Variants in DGLUCY observed in about 807,000 individuals in gnomAD.
DGLUCY encodes the protein D-glutamate cyclase, mitochondrial.
Under a neutral mutation model 58.5 loss-of-function variants are expected in DGLUCY, and 58 were observed. The observed-to-expected ratio is 0.99, with a 90% confidence interval of 0.80 to 1.23. DGLUCY has a LOEUF of 1.23. Among genes scored for constraint, DGLUCY ranks in the 50% most tolerant of loss-of-function variants. The probability of loss-of-function intolerance (pLI) is 0.00; values close to 1 mark genes in which losing one functional copy is unlikely to be tolerated. For missense variants in DGLUCY, 779 were observed against 784.7 expected (o/e 0.99, Z 0.09); for synonymous variants, 325 against 314.1 (o/e 1.03, Z -0.37).
At position 91,188,909 on chromosome 14, in the gene DGLUCY, G is replaced by A. The variant is rs149133547; in HGVS notation, c.935-1G>A. 43 of 1,608,242 alleles carry A rather than the reference G, an allele frequency of 2.7e-5. No individual in the cohort carries two copies. The African/African-American group carries it at 5.5e-4, about 21-fold the overall frequency. ...TTTACATTCTATTTTTGTCATTTCA[G>A]GGAACCGGGGGATTGGGCACCTGCT... On this transcript the variant is annotated splice_acceptor_variant, in intron 8 of 13. Coordinates refer to ENST00000256324, the MANE Select transcript of DGLUCY (RefSeq NM_001102368.3). LOFTEE classifies it high-confidence loss of function.
chr14:91,092,940 C>T (rs1256853567), intron 1 of DGLUCY, among the ~76,000 whole-genome samples: 3 of 151,896 alleles, frequency 2.0e-5, no homozygotes, highest in African/African-American at 2.4e-5. Context: ...AAAAATTAGC[C>T]GAGCATGGTG....
chr14:91,165,867 C>T (rs986444322), intron 3 of DGLUCY, among the ~76,000 whole-genome samples: 1 of 152,220 alleles, frequency 6.6e-6, no homozygotes, highest in African/African-American at 2.4e-5. Flanking sequence ...CATTTATGTA[C>T]TCCAAAATGC....
chr14:91,181,077 G>A (rs2049141075), intron 7 of DGLUCY, 109 bp from the exon 8 acceptor site: 1 of 1,001,282 alleles, frequency 1.0e-6, no homozygotes, highest in Non-Finnish European at 1.5e-6. Context: ...GGAGTGCTTA[G>A]GCTGAGTTGA....
intron 1 of DGLUCY, among the ~76,000 whole-genome samples, chr14:91,083,624 G>A (rs957173156): frequency 3.9e-5 from 6 of 152,036 alleles, no homozygotes; most frequent in African/African-American, 1.4e-4. Context: ...GCAGCAGCAA[G>A]AGAATACATT....
At position 91,197,830 on chromosome 14, in the gene DGLUCY, A is replaced by T. The variant is rs148782230; in HGVS notation, c.1295+1356A>T. On this transcript the variant is annotated intron_variant, in intron 10 of 13. Coordinates refer to ENST00000256324, the MANE Select transcript of DGLUCY (RefSeq NM_001102368.3). Reference sequence around the variant, plus strand: ...CTGGGTTTGCTTCCTGCTCTTGGCTATGCTGAATACTGCTGCTATGAGCAT... The same window carrying T: ...CTGGGTTTGCTTCCTGCTCTTGGCTTTGCTGAATACTGCTGCTATGAGCAT... 2.3e-3 allele frequency among the ~76,000 whole-genome samples: 352 copies of T among 152,282 alleles called. 4 individuals carry two copies. The highest frequency in any genetic ancestry group is 8.0e-3 in the African/African-American group (332 of 41,566).
At chr14:91,062,606 TATATAA>T (rs796877483) in intron 1 of DGLUCY, among the ~76,000 whole-genome samples, 1,815 of 29,672 alleles carry the variant, frequency 0.061, 141 homozygotes, top group Non-Finnish European at 0.068. Context: ...TATATATATA[TATATAA>T]ACAATCCTTA....
At chr14:91,100,316 G>A (rs1237206463) in intron 1 of DGLUCY, among the ~76,000 whole-genome samples, 1 of 152,178 alleles carries the variant, frequency 6.6e-6, no homozygotes, top group Non-Finnish European at 1.5e-5. Context: ...GAGGAAGAGA[G>A]GGTGGAGAGA....
At chr14:91,196,813 T>C (rs1316977192) in intron 10 of DGLUCY, among the ~76,000 whole-genome samples, 4 of 148,722 alleles carry the variant, frequency 2.7e-5, no homozygotes, top group South Asian at 2.1e-4. Context: ...TAGAGAATAG[T>C]GAAATCATTT....
intron 2 of DGLUCY, among the ~76,000 whole-genome samples, chr14:91,158,510 GGTTT>G (rs1442491671): frequency 5.3e-5 from 8 of 152,066 alleles, no homozygotes; most frequent in Non-Finnish European, 1.2e-4. Flanking sequence ...ATGGCCCTGG[GGTTT>G]ACATTATTTT....
intron 8 of DGLUCY, among the ~76,000 whole-genome samples, chr14:91,184,828 T>C (rs1278185843): frequency 6.6e-6 from 1 of 152,212 alleles, no homozygotes; most frequent in Non-Finnish European, 1.5e-5. Context: ...CATTCATTAG[T>C]TCATTCTGTA....
chr14:91,176,007 A>G lies in DGLUCY; in HGVS notation c.681A>G (p.Pro227=), dbSNP rs2048832586. 6.2e-7 allele frequency: 1 copy of G among 1,614,042 alleles called. No individual in the cohort carries two copies. The highest frequency in any genetic ancestry group is 2.2e-5 in the East Asian group (1 of 44,866). Residue 227 remains proline, a synonymous_variant, in exon 7 of 14, where the codon CCA becomes CCG. Coordinates refer to ENST00000256324, the MANE Select transcript of DGLUCY (RefSeq NM_001102368.3). ...TGGTGTGTCCCCCAGGGGAGGTTCC[A>G]GTGTTCTGGCCTTCTCCGCTGACCA... ...DAMVCPPGEV[P]VFWPSPLTSL...
Position 91,150,835 on chromosome 14 carries a change from T to G in DGLUCY, c.-81-6804T>G, listed in dbSNP as rs538723846. ...TACAGTTTACCATTTTAATCATTTT[T>G]AAGTGTACAGTTCTGTGGCATTAAG... On this transcript the variant is annotated intron_variant, in intron 1 of 13. Transcript: ENST00000256324. Among the ~76,000 whole-genome samples, 4 of 152,350 alleles carry G rather than the reference T, an allele frequency of 2.6e-5. No individual in the cohort carries two copies. The South Asian group carries it at 8.3e-4, about 32-fold the overall frequency.
upstream of DGLUCY, among the ~76,000 whole-genome samples, chr14:91,103,545 C>T (rs1229880092): frequency 6.6e-6 from 1 of 152,148 alleles, no homozygotes; most frequent in Non-Finnish European, 1.5e-5. Context: ...CATAGGGCCT[C>T]TCTTCCTTCT....
In DGLUCY at chr14:91,116,023, G is replaced by A. The variant is rs187252965; in HGVS notation, c.-82+1740G>A. Among the ~76,000 whole-genome samples the A allele has an allele frequency of 8.7e-4, 133 of 152,144 alleles. 3 individuals are homozygous for A. The South Asian group carries it at 0.016, about 19-fold the overall frequency. On this transcript the variant is annotated intron_variant, in intron 1 of 13. Coordinates refer to ENST00000256324, the MANE Select transcript of DGLUCY (RefSeq NM_001102368.3). ...TTCTGGTTTGATAATAATGATTCTC[G>A]TCCAAGTGCACAGGTATATGCTCTT...
chr14:91,139,062 T>C (rs938349719), intron 1 of DGLUCY, among the ~76,000 whole-genome samples: 5 of 152,190 alleles, frequency 3.3e-5, no homozygotes, highest in African/African-American at 1.2e-4. Context: ...ACAGATTTAG[T>C]ATAAAGAATT....
Position 91,116,921 on chromosome 14 carries a change from C to A in DGLUCY, c.-82+2638C>A, listed in dbSNP as rs894417827. ...ATCGCCCCACTGCACTCCAGCCTGG[C>A]GACAGAGTGAGAGTCTGTCTCAAAA... is the stretch of plus-strand genomic sequence containing the variant. On this transcript the variant is annotated intron_variant, in intron 1 of 13. Coordinates refer to ENST00000256324, the MANE Select transcript of DGLUCY (RefSeq NM_001102368.3). 3.0e-4 allele frequency among the ~76,000 whole-genome samples: 42 copies of A among 141,396 alleles called. No homozygotes were observed. In the Middle Eastern group the frequency reaches 0.014, roughly 48 times the overall value. 92.8% of individuals were successfully genotyped at this position (141,396 alleles called of 152,430 possible). A position where few individuals can be genotyped will look rare whatever the true frequency, so the allele number is the denominator to read the frequency against.
intron 3 of DGLUCY, among the ~76,000 whole-genome samples, chr14:91,161,427 C>G (rs1214373782): frequency 6.6e-6 from 1 of 152,178 alleles, no homozygotes; most frequent in Non-Finnish European, 1.5e-5. Context: ...ATTCTGCAAT[C>G]AAGGTTGGTC....
chr14:91,090,959 C>CT (rs1334034610), intron 1 of DGLUCY: 1 of 152,248 alleles, frequency 6.6e-6, no homozygotes, highest in Non-Finnish European at 1.5e-5. Flanking sequence ...CCTTTGCCCT[C>CT]TGCAAGAGAG....
intron 4 of DGLUCY, among the ~76,000 whole-genome samples, chr14:91,168,919 T>C (rs775889462): frequency 2.0e-5 from 3 of 151,992 alleles, no homozygotes; most frequent in Non-Finnish European, 4.4e-5. Flanking sequence ...AAACGCTGTC[T>C]CTACTAAAAA....
Sources: allele counts gnomAD v4.1 joint callset (sites outside exome capture counted in the v4.1 genomes callset), GRCh38; gene constraint gnomAD v4.1.1; transcripts MANE v1.5; gene names NCBI Gene and HGNC (gene_info 2026-07-23, HGNC 2026-07-21).